SMC1A: variants seen among roughly 807,000 people sequenced by gnomAD.
SMC1A encodes structural maintenance of chromosomes 1A.
Under a neutral mutation model 94.5 loss-of-function variants are expected in SMC1A, and 4 were observed. The ratio of observed to expected loss-of-function variants is 0.04; its 90% confidence interval spans 0.02 to 0.10. The LOEUF is 0.10. Among genes scored for constraint, SMC1A ranks in the 10% least tolerant of loss-of-function variants. The pLI is 1.00. For missense variants in SMC1A, 304 were observed against 989.0 expected (o/e 0.31, Z 9.29); for synonymous variants, 345 against 347.7 (o/e 0.99, Z 0.09).
In SMC1A at chrX:53,390,640, C is replaced by CA. The variant is rs782435496; in HGVS notation, c.2973+4137dup. Reference sequence around the variant, plus strand: ...CATAATAAAAATCTAAAAATAACAACAAAAAAATAAACTTGAAGTGGTTCC... The same window carrying CA: ...CATAATAAAAATCTAAAAATAACAACAAAAAAAATAAACTTGAAGTGGTTCC... On this transcript the variant is annotated intron_variant, in intron 19 of 24. Transcript: ENST00000322213. Among the ~76,000 whole-genome samples the CA allele has an allele frequency of 4.5e-5, 5 of 110,008 alleles. No individual in the cohort carries two copies. The East Asian group carries it at 1.4e-3, about 31-fold the overall frequency.
In SMC1A at chrX:53,378,778, C is replaced by T. The variant is rs1342716060; in HGVS notation, c.*1325G>A. On this transcript the variant is annotated 3_prime_UTR_variant, in exon 25 of 25. Coordinates refer to ENST00000322213, the MANE Select transcript of SMC1A (RefSeq NM_006306.4). ...ATCGCACCCGGCTTTGCTGCCTCTG[C>T]ATGATCCTTATAGCTAATGAGGTTA... 1 of 112,669 alleles carries T rather than the reference C, an allele frequency of 8.9e-6. No individual in the cohort carries two copies. The highest frequency in any genetic ancestry group is 1.9e-5 in the Non-Finnish European group (1 of 53,320). 9.3% of individuals were successfully genotyped at this position (112,669 alleles called of 1,213,427 possible).
Position 53,380,309 on chromosome X carries a change from G to GA in SMC1A, c.3619-124_3619-123insT, listed in dbSNP as rs2075577191. 3 of 533,046 alleles carry GA rather than the reference G, an allele frequency of 5.6e-6. No homozygotes were observed. The Admixed American group carries it at 8.1e-5, about 14-fold the overall frequency. 43.9% of individuals were successfully genotyped at this position (533,046 alleles called of 1,213,427 possible). A position where few individuals can be genotyped will look rare whatever the true frequency, so the allele number is the denominator to read the frequency against. On this transcript the variant is annotated intron_variant, in intron 24 of 24. Transcript: ENST00000322213. ...CATACCTGCCCAAAGCCCAGTCAAT[G>GA]GTTCTCTCTGGGTGTGAGAGGATAT...
intron 19 of SMC1A, among the ~76,000 whole-genome samples, chrX:53,386,421 T>C (rs1368012595): frequency 1.8e-5 from 2 of 111,829 alleles, no homozygotes; most frequent in African/African-American, 3.2e-5. Flanking sequence ...GAAATTCAAA[T>C]ATGGGTTGAA....
chrX:53,393,801 T>C lies in SMC1A; in HGVS notation c.2973+977A>G, dbSNP rs184775476. On this transcript the variant is annotated intron_variant, in intron 19 of 24. Coordinates refer to ENST00000322213, the MANE Select transcript of SMC1A (RefSeq NM_006306.4). ...TCATAAACTATTTAGGAGGCTCCTG[T>C]AGTTGGCTATGTGAGATGAAAGTGG... 3.6e-5 allele frequency among the ~76,000 whole-genome samples: 4 copies of C among 111,391 alleles called. No homozygotes were observed. In the Admixed American group the frequency reaches 3.8e-4, roughly 11 times the overall value.
At chrX:53,417,326 G>A (rs904367249) in intron 1 of SMC1A, among the ~76,000 whole-genome samples, 39 of 108,598 alleles carry the variant, frequency 3.6e-4, no homozygotes, top group African/African-American at 1.3e-3. Context: ...CGAGGCGGGC[G>A]GATCACCTGA....
At chrX:53,380,921 G>T in intron 23 of SMC1A, 97 bp downstream of exon 23, 1 of 770,729 alleles carries the variant, frequency 1.3e-6, no homozygotes, top group Non-Finnish European at 2.0e-6. Context: ...CAGAGAGCAG[G>T]CAGCAGGAAC....
chrX:53,421,797 C>A, intron 1 of SMC1A: 9 of 937,958 alleles, frequency 9.6e-6, no homozygotes, highest in Non-Finnish European at 1.3e-5. Flanking sequence ...CTGAATAACT[C>A]CTGATAAACA....
At chrX:53,382,693 G>A in intron 20 of SMC1A, 33 bp from the exon 21 acceptor site, 1 of 1,207,467 alleles carries the variant, frequency 8.3e-7, no homozygotes, top group Non-Finnish European at 1.1e-6. Flanking sequence ...ACCCCTCAGT[G>A]CCCTGGCAAG....
chrX:53,381,964 A>G, intron 22 of SMC1A: 1 of 421,979 alleles, frequency 2.4e-6, no homozygotes, highest in South Asian at 3.4e-5. Context: ...AGGGATTATT[A>G]GCCAGCAACC....
At chrX:53,395,855 T>C (rs2075648912) in intron 18 of SMC1A, among the ~76,000 whole-genome samples, 1 of 111,180 alleles carries the variant, frequency 9.0e-6, no homozygotes, top group East Asian at 2.8e-4. Flanking sequence ...CTGTCTTCCT[T>C]TGCTCTTGGC....
intron 19 of SMC1A, among the ~76,000 whole-genome samples, chrX:53,392,646 C>A (rs1556887428): frequency 3.6e-5 from 4 of 111,088 alleles, no homozygotes. Flanking sequence ...CGGGGTTTCA[C>A]CATGTTGGCC....
intron 3 of SMC1A, among the ~76,000 whole-genome samples, chrX:53,414,014 T>C (rs2075722856): frequency 9.8e-6 from 1 of 102,449 alleles, no homozygotes; most frequent in African/African-American, 3.6e-5. Context: ...GAGACGGAGG[T>C]TGCAGTGAGC....
At position 53,380,163 on chromosome X, in the gene SMC1A, T is replaced by G. The variant is rs375936166; in HGVS notation, c.3642A>C (p.Lys1214Asn). 1.3e-5 allele frequency: 16 copies of G among 1,202,051 alleles called. No individual in the cohort carries two copies. The highest frequency in any genetic ancestry group is 1.7e-5 in the Non-Finnish European group (15 of 889,546). Reference protein sequence around the residue: ...YPEQGDCVISKVLTFDLTKYP... With the variant: ...YPEQGDCVISNVLTFDLTKYP... Reference sequence around the variant, plus strand: ...ACTTGGTGAGGTCGAAGGTCAGGACTTTGCTGATCACACAGTCCCCTTGCT... The same window carrying G: ...ACTTGGTGAGGTCGAAGGTCAGGACGTTGCTGATCACACAGTCCCCTTGCT... Residue 1214 changes from lysine to asparagine, a missense_variant, in exon 25 of 25, where the codon AAA (lysine) becomes AAC (asparagine). Physicochemically the swap from Lys to Asn is moderately conservative, Grantham distance 94 (BLOSUM62 0). Around this residue, in one of 11 missense-constraint regions of SMC1A, gnomAD observed 24 missense variants for 43.5 expected, o/e 0.55. Transcript: ENST00000322213.
chrX:53,419,372 C>T (rs1418585745), intron 1 of SMC1A, among the ~76,000 whole-genome samples: 1 of 109,323 alleles, frequency 9.1e-6, no homozygotes. Context: ...ACAAAAAATA[C>T]AAAAATTGGC....
intron 19 of SMC1A, among the ~76,000 whole-genome samples, chrX:53,392,997 C>T (rs1304888563): frequency 5.4e-5 from 6 of 112,021 alleles, no homozygotes; most frequent in Non-Finnish European, 7.5e-5. Context: ...ATCAGATCCA[C>T]GTTTGTTTTT....
intron 23 of SMC1A, 70 bp from the exon 24 acceptor site, chrX:53,380,800 A>G (rs782243218): frequency 5.0e-4 from 399 of 803,753 alleles, no homozygotes; most frequent in Non-Finnish European, 7.1e-4. Flanking sequence ...TCCAGCCACA[A>G]CCAGAAGGCA....
At position 53,380,113 on chromosome X, in the gene SMC1A, T is replaced by C. The variant is rs782012594; in HGVS notation, c.3692A>G (p.Asn1231Ser). Residue 1231 changes from asparagine (N) to serine (S), a missense_variant, in exon 25 of 25, where the codon AAT (asparagine) becomes AGT (serine). Physicochemically the swap from Asn to Ser is conservative, Grantham distance 46. Coordinates refer to ENST00000322213, the MANE Select transcript of SMC1A (RefSeq NM_006306.4). ...AGGGCAAAAATACTGCTACTGCTCA[T>C]TGGGGTTGGGGTTGGCATCTGGGTA... The part of the protein sequence containing the change: ...TKYPDANPNP[N>S]EQ 9.2e-6 allele frequency: 11 copies of C among 1,199,966 alleles called. No individual in the cohort carries two copies. The highest frequency in any genetic ancestry group is 7.1e-5 in the South Asian group (4 of 56,218).
chrX:53,394,913 T>G (rs1556887786), intron 18 of SMC1A, 25 bp from the exon 19 acceptor site: 1 of 929,929 alleles, frequency 1.1e-6, no homozygotes, highest in Admixed American at 2.2e-5. Flanking sequence ...GAGAGTCAAG[T>G]GGAGCAGACT....
Position 53,381,934 on chromosome X carries a change from C to T in SMC1A, c.3437+298G>A, listed in dbSNP as rs144174608. 1,117 of 386,771 alleles carry T rather than the reference C, an allele frequency of 2.9e-3. 6 individuals carry two copies. Among genetic ancestry groups the T allele is most frequent in the African/African-American group, 0.025 (994 of 39,421 alleles). The allele number at this position is 386,771 out of a possible 1,213,427, so 31.9% of individuals were successfully genotyped here. A position where few individuals can be genotyped will look rare whatever the true frequency, so the allele number is the denominator to read the frequency against. ...GGGTGAAGGGGTGAAAGGTGATGAT[C>T]AAGCTAGATTTACATGGAAAGGGAT... On this transcript the variant is annotated intron_variant, in intron 22 of 24. Transcript: ENST00000322213.
Sources: allele counts gnomAD v4.1 joint callset (sites outside exome capture counted in the v4.1 genomes callset), GRCh38; gene constraint gnomAD v4.1.1; regional missense constraint gnomAD v4.1.1; transcripts MANE v1.5; gene names NCBI Gene and HGNC (gene_info 2026-07-23, HGNC 2026-07-21).